The following COL4A5 variants were observed in gnomAD, a reference collection of about 807,000 sequenced individuals.
The protein encoded by COL4A5 is collagen type IV alpha 5 chain.
Under a neutral mutation model 130.2 loss-of-function variants are expected in COL4A5, and 26 were observed. The ratio of observed to expected loss-of-function variants is 0.20; its 90% CI spans 0.15 to 0.28. The LOEUF (loss-of-function observed/expected upper bound fraction) is 0.28, where lower values mean the gene tolerates loss of function less well. COL4A5 is among the 10% of genes least tolerant of loss of function. The pLI, the probability that COL4A5 is intolerant of heterozygous loss-of-function variation, is 1.00. For synonymous variants in COL4A5, 496 were observed against 439.6 expected (o/e 1.13, Z -1.60); for missense variants, 1,131 against 1,344.3 (o/e 0.84, Z 2.48).
At chrX:108,617,707 A>AT (rs1335844480) in intron 30 of COL4A5, among the ~76,000 whole-genome samples, 1 of 111,844 alleles carries the variant, frequency 8.9e-6, no homozygotes, top group East Asian at 2.8e-4. Context: ...GTCTTACTGA[A>AT]TTTTTTTAGA....
At chrX:108,480,731 G>A (rs1376507809) in intron 1 of COL4A5, among the ~76,000 whole-genome samples, 1 of 112,666 alleles carries the variant, frequency 8.9e-6, no homozygotes, top group Non-Finnish European at 1.9e-5. Context: ...TGCAATTGGA[G>A]TAACCACTTG....
chrX:108,456,695 T>A (rs1189926851), intron 1 of COL4A5, among the ~76,000 whole-genome samples: 1 of 111,956 alleles, frequency 8.9e-6, no homozygotes, highest in Non-Finnish European at 1.9e-5. Context: ...CCATAAACTT[T>A]ACAGATCGAG....
At chrX:108,598,275 T>G (rs1221501380) in intron 24 of COL4A5, among the ~76,000 whole-genome samples, 1 of 111,675 alleles carries the variant, frequency 9.0e-6, no homozygotes, top group Admixed American at 9.5e-5. Context: ...GCTTAGAGAA[T>G]AGTACAAGTA....
chrX:108,477,652 C>T (rs1266459950), intron 1 of COL4A5, among the ~76,000 whole-genome samples: 1 of 108,808 alleles, frequency 9.2e-6, no homozygotes, highest in African/African-American at 3.3e-5. Context: ...CCTGTCTCTA[C>T]TAAAAATATA....
chrX:108,534,343 T>C (rs903125125), intron 1 of COL4A5, among the ~76,000 whole-genome samples: 1 of 111,789 alleles, frequency 8.9e-6, no homozygotes, highest in Non-Finnish European at 1.9e-5. Context: ...CCTAAGTGTG[T>C]ATCAACAGGT....
At chrX:108,593,688 T>C (rs1019083056) in intron 21 of COL4A5, among the ~76,000 whole-genome samples, 10 of 111,878 alleles carry the variant, frequency 8.9e-5, no homozygotes, top group Non-Finnish European at 1.7e-4. Context: ...CCCAATGAAT[T>C]GCATTAGCAC....
In COL4A5 at chrX:108,614,939, A is replaced by T; in HGVS notation, c.2424A>T (p.Gly808=). ...KGDVGPNGQP[G]PMGPPGLPGI... is the part of the protein sequence containing the mutation. Reference sequence around the variant, plus strand: ...ATGTTGGACCAAATGGACAACCTGGACCAATGGGACCTCCTGGGCTGCCAG... The same window carrying T: ...ATGTTGGACCAAATGGACAACCTGGTCCAATGGGACCTCCTGGGCTGCCAG... The change falls in exon 30 of 53, where the codon GGA becomes GGT. Residue 808 remains glycine, a synonymous_variant. Transcript: ENST00000328300. The T allele has an allele frequency of 8.3e-7, 1 of 1,210,164 alleles. No individual in the cohort carries two copies. The highest frequency in any genetic ancestry group is 1.8e-5 in the South Asian group (1 of 56,945).
At chrX:108,604,696 C>T (rs1299144627) in intron 28 of COL4A5, among the ~76,000 whole-genome samples, 2 of 112,392 alleles carry the variant, frequency 1.8e-5, no homozygotes, top group Non-Finnish European at 3.8e-5. Context: ...TACTTATCTT[C>T]TCTAGCTATG....
chrX:108,483,278 G>A (rs1258541660), intron 1 of COL4A5, among the ~76,000 whole-genome samples: 2 of 109,102 alleles, frequency 1.8e-5, no homozygotes, highest in African/African-American at 6.7e-5. Context: ...ACGTATTAAC[G>A]TACATGATCA....
intron 36 of COL4A5, among the ~76,000 whole-genome samples, chrX:108,634,109 A>G (rs1042032639): frequency 2.7e-5 from 3 of 110,585 alleles, no homozygotes; most frequent in Admixed American, 9.8e-5. Context: ...ACAGCAAAGC[A>G]TTTAGTTGTG....
At chrX:108,462,340 T>A (rs1379026721) in intron 1 of COL4A5, 2 of 112,313 alleles carry the variant, frequency 1.8e-5, no homozygotes, top group Non-Finnish European at 3.8e-5. Context: ...TAGTTTAACA[T>A]ATATTTCAAC....
chrX:108,497,866 C>A (rs1446142869), intron 1 of COL4A5, among the ~76,000 whole-genome samples: 1 of 111,161 alleles, frequency 9.0e-6, no homozygotes, highest in Non-Finnish European at 1.9e-5. Flanking sequence ...TAAAAAATGT[C>A]ATTTAATAAT....
At chrX:108,547,537 G>C (rs1569484681) in intron 2 of COL4A5, among the ~76,000 whole-genome samples, 1 of 112,138 alleles carries the variant, frequency 8.9e-6, no homozygotes, top group East Asian at 2.8e-4. Context: ...TTGCGTCCCA[G>C]TTAGGCTACT....
chrX:108,580,344 T>C (rs948594002), intron 13 of COL4A5, among the ~76,000 whole-genome samples, 189 bp from the exon 14 acceptor site: 1 of 111,739 alleles, frequency 8.9e-6, no homozygotes, highest in African/African-American at 3.3e-5. Flanking sequence ...TGAGAACATG[T>C]GGTATTTGAT....
intron 1 of COL4A5, among the ~76,000 whole-genome samples, chrX:108,444,966 T>C (rs1224776913): frequency 9.0e-6 from 1 of 111,521 alleles, no homozygotes; most frequent in Non-Finnish European, 1.9e-5. Context: ...AAAATAGTAA[T>C]CTTTGAGACT....
At chrX:108,479,546 T>A (rs2064868408) in intron 1 of COL4A5, among the ~76,000 whole-genome samples, 1 of 111,381 alleles carries the variant, frequency 9.0e-6, no homozygotes, top group South Asian at 3.8e-4. Context: ...CAGGCCCTGG[T>A]CTTCTCTTCC....
chrX:108,527,865 G>T (rs781177048), intron 1 of COL4A5, among the ~76,000 whole-genome samples: 1 of 111,690 alleles, frequency 9.0e-6, no homozygotes, highest in Non-Finnish European at 1.9e-5. Context: ...CACCACATAT[G>T]GGCCTGGACA....
chrX:108,522,558 T>A (rs2065274116), intron 1 of COL4A5, among the ~76,000 whole-genome samples: 1 of 105,801 alleles, frequency 9.5e-6, no homozygotes, highest in Non-Finnish European at 1.9e-5. Context: ...CATATATTTA[T>A]GTACAATAAG....
In COL4A5 at chrX:108,610,747, C is replaced by T. The variant is rs1476088613; in HGVS notation, c.2395+3855C>T. On this transcript the variant is annotated intron_variant, in intron 29 of 52. Transcript: ENST00000328300. ...AGGATATGGCATTCCCATATCCTCA[C>T]AGGAGTAATTCTCAATTATTAAAAG... Among the ~76,000 whole-genome samples the T allele has an allele frequency of 2.7e-5, 3 of 111,583 alleles. No individual in the cohort carries two copies. The East Asian group carries it at 8.4e-4, about 31-fold the overall frequency.
Sources: allele counts gnomAD v4.1 joint callset (sites outside exome capture counted in the v4.1 genomes callset), GRCh38; gene constraint gnomAD v4.1.1; transcripts MANE v1.5; gene names NCBI Gene and HGNC (gene_info 2026-07-23, HGNC 2026-07-21).